Variants in TRIM65 observed in about 807,000 individuals in gnomAD.
The protein encoded by TRIM65 is tripartite motif containing 65.
Under a neutral mutation model 36.1 loss-of-function variants are expected in TRIM65, and 46 were observed. The ratio of observed to expected loss-of-function variants is 1.27; its 90% CI spans 1.01 to 1.63. The LOEUF (loss-of-function observed/expected upper bound fraction) is 1.63. Among genes scored for constraint, TRIM65 ranks in the 40% most tolerant of loss-of-function variants. TRIM65 has a pLI of 0.00. For synonymous variants in TRIM65, 346 were observed against 313.6 expected (o/e 1.10, Z -1.09); for missense variants, 708 against 696.6 (o/e 1.02, Z -0.18).
chr17:75,896,683 G>A lies in TRIM65; in HGVS notation c.255C>T (p.Pro85=). The part of the protein sequence containing the change: ...AGPARDPGPD[P]GPGPDPAARC... The stretch of plus-strand genomic sequence containing the variant: ...GCGCGGCAGGGTCGGGGCCGGGGCC[G>A]GGATCGGGGCCGGGATCCCGGGCGG... The change falls in exon 1 of 6, where the codon CCC becomes CCT. Residue 85 remains proline, a synonymous_variant. Transcript: ENST00000269383. 2 of 1,293,404 alleles carry A rather than the reference G, an allele frequency of 1.5e-6. No individual in the cohort carries two copies. Among genetic ancestry groups the A allele is most frequent in the South Asian group, 2.4e-5 (1 of 42,216 alleles). 80.1% of individuals were successfully genotyped at this position (1,293,404 alleles called of 1,614,324 possible).
intron 4 of TRIM65, among the ~76,000 whole-genome samples, chr17:75,883,222 T>A (rs1054853303): frequency 6.8e-5 from 10 of 147,414 alleles, no homozygotes; most frequent in Admixed American, 6.0e-4. Context: ...GTTCAAGCCA[T>A]CCTCGTGCCT....
At chr17:75,895,558 C>G (rs927202190) in intron 1 of TRIM65, among the ~76,000 whole-genome samples, 1 of 152,164 alleles carries the variant, frequency 6.6e-6, no homozygotes, top group South Asian at 2.1e-4. Context: ...ATCCCAGAGA[C>G]GGGACCAGGC....
Position 75,896,922 on chromosome 17 carries a change from G to T in TRIM65, c.16C>A (p.Leu6Met). The T allele has an allele frequency of 6.7e-7, 1 of 1,502,732 alleles. No individual in the cohort carries two copies. 93.1% of individuals were successfully genotyped at this position (1,502,732 alleles called of 1,614,324 possible). A position where few individuals can be genotyped will look rare whatever the true frequency, so the allele number is the denominator to read the frequency against. Reference protein sequence around the residue: MAAQLLEEKLTCAICL... With the variant: MAAQLMEEKLTCAICL... Reference sequence around the variant, plus strand: ...ATGGCGCAGGTCAGCTTCTCCTCCAGCAGCTGCGCGGCCATGGCCCGGCGG... The same window carrying T: ...ATGGCGCAGGTCAGCTTCTCCTCCATCAGCTGCGCGGCCATGGCCCGGCGG... The change falls in exon 1 of 6, where the codon CTG (leucine) becomes ATG (methionine). Residue 6 changes from leucine to methionine, a missense_variant. Transcript: ENST00000269383.
chr17:75,895,287 C>A (rs1404306731), intron 1 of TRIM65, among the ~76,000 whole-genome samples: 1 of 152,160 alleles, frequency 6.6e-6, no homozygotes, highest in Non-Finnish European at 1.5e-5. Flanking sequence ...TGGTTCTTTG[C>A]CTCCCTGCAC....
downstream of TRIM65, chr17:75,880,304 G>C (rs1360841947): frequency 6.8e-6 from 1 of 148,082 alleles, no homozygotes; most frequent in Non-Finnish European, 1.5e-5. Flanking sequence ...GTTGTCATTT[G>C]CCTTTTCTCT....
downstream of TRIM65, among the ~76,000 whole-genome samples, chr17:75,888,765 T>G (rs1275428322): frequency 1.3e-5 from 2 of 152,164 alleles, no homozygotes; most frequent in African/African-American, 2.4e-5. Context: ...AGGATCTTGC[T>G]GGAAAGTCCT....
intron 1 of TRIM65, among the ~76,000 whole-genome samples, chr17:75,894,965 C>T (rs898394775): frequency 2.6e-5 from 4 of 152,206 alleles, no homozygotes; most frequent in East Asian, 1.9e-4. Flanking sequence ...AGCAGCTGCC[C>T]GGGGCGGGGT....
downstream of TRIM65, among the ~76,000 whole-genome samples, chr17:75,887,918 G>A (rs2065221105): frequency 6.6e-6 from 1 of 152,138 alleles, no homozygotes; most frequent in South Asian, 2.1e-4. Flanking sequence ...CACTTTGAGA[G>A]GCCAAGGTGG....
At position 75,892,180 on chromosome 17, in the gene TRIM65, C is replaced by T. The variant is rs372493091; in HGVS notation, c.750G>A (p.Ser250=). ...QVDEQTFLQE[S]QLLQPPGPLG... ...GAGGCCCTGGGGGCTGGAGGAGCTG[C>T]GATTCCTGAGCCCCAGGGAGAACAA... is the stretch of plus-strand genomic sequence containing the variant. Residue 250 remains serine, a synonymous_variant, in exon 4 of 6, where the codon TCG becomes TCA. Coordinates refer to ENST00000269383, the MANE Select transcript of TRIM65 (RefSeq NM_173547.4). 4.4e-5 allele frequency: 69 copies of T among 1,570,742 alleles called. No individual in the cohort carries two copies. In the East Asian group the frequency reaches 1.5e-3, roughly 34 times the overall value.
At position 75,896,929 on chromosome 17, in the gene TRIM65, C is replaced by T. The variant is rs751469806; in HGVS notation, c.9G>A (p.Ala3=). The T allele has an allele frequency of 4.7e-6, 7 of 1,499,130 alleles. No individual in the cohort carries two copies. Among genetic ancestry groups the T allele is most frequent in the Non-Finnish European group, 4.4e-6 (5 of 1,129,244 alleles). The allele number at this position is 1,499,130 out of a possible 1,614,324, so 92.9% of individuals were successfully genotyped here. A position where few individuals can be genotyped will look rare whatever the true frequency, so the allele number is the denominator to read the frequency against. The change falls in exon 1 of 6, where the codon GCG becomes GCA. Residue 3 remains alanine, a synonymous_variant. Coordinates refer to ENST00000269383, the MANE Select transcript of TRIM65 (RefSeq NM_173547.4). ...AGGTCAGCTTCTCCTCCAGCAGCTG[C>T]GCGGCCATGGCCCGGCGGCGGCGAG... is the stretch of plus-strand genomic sequence containing the variant. The part of the protein sequence containing the change: MA[A]QLLEEKLTCA...
At chr17:75,888,274 AC>A (rs2065225393), downstream of TRIM65, among the ~76,000 whole-genome samples, 1 of 150,844 alleles carries the variant, frequency 6.6e-6, no homozygotes, top group Non-Finnish European at 1.5e-5. Flanking sequence ...GATCGCTTGA[AC>A]CCGGGAGGCG....
rs367605956 is a variant in TRIM65 at position 75,891,386 on chromosome 17, A to C, written c.986-39T>G. The C allele has an allele frequency of 5.6e-6, 9 of 1,600,622 alleles. No individual in the cohort carries two copies. The African/African-American group carries it at 1.1e-4, about 19-fold the overall frequency. ...GAGGACAGCAGTGGGCTGGGGGAAG[A>C]CAGCACAACCAGATCTCCATTTATC... On this transcript the variant is annotated intron_variant, in intron 5 of 5. Coordinates refer to ENST00000269383, the MANE Select transcript of TRIM65 (RefSeq NM_173547.4).
downstream of TRIM65, among the ~76,000 whole-genome samples, chr17:75,888,353 A>C (rs893693405): frequency 8.8e-4 from 117 of 132,392 alleles, no homozygotes; most frequent in Non-Finnish European, 1.6e-3. Flanking sequence ...ACTCTGTCTC[A>C]AAAAAAAAAA....
chr17:75,888,359 AAAAAAG>A (rs1006825815), downstream of TRIM65, among the ~76,000 whole-genome samples: 7 of 148,688 alleles, frequency 4.7e-5, no homozygotes, highest in African/African-American at 1.8e-4. Context: ...TCTCAAAAAA[AAAAAAG>A]AAAGAAAGAA....
downstream of TRIM65, among the ~76,000 whole-genome samples, chr17:75,885,453 T>A (rs2065200034): frequency 9.2e-5 from 14 of 152,014 alleles, no homozygotes; most frequent in Admixed American, 9.2e-4. Flanking sequence ...ATTTTTGTAT[T>A]TTTGGTAGAG....
In TRIM65 at chr17:75,896,686, A is replaced by G. The variant is rs1169079568; in HGVS notation, c.252T>C (p.Asp84=). 3 of 1,296,500 alleles carry G rather than the reference A, an allele frequency of 2.3e-6. No homozygotes were observed. The highest frequency in any genetic ancestry group is 3.2e-5 in the East Asian group (1 of 31,170). The allele number at this position is 1,296,500 out of a possible 1,614,324, so 80.3% of individuals were successfully genotyped here. A position where few individuals can be genotyped will look rare whatever the true frequency, so the allele number is the denominator to read the frequency against. Residue 84 remains aspartate (D), a synonymous_variant, in exon 1 of 6, where the codon GAT becomes GAC. Coordinates refer to ENST00000269383, the MANE Select transcript of TRIM65 (RefSeq NM_173547.4). ...RAGPARDPGP[D]PGPGPDPAAR... is the part of the protein sequence containing the mutation. ...CGGCAGGGTCGGGGCCGGGGCCGGG[A>G]TCGGGGCCGGGATCCCGGGCGGGCC... is the stretch of plus-strand genomic sequence containing the variant.
intron 5 of TRIM65, 58 bp downstream of exon 5, chr17:75,891,755 C>T (rs1371248148): frequency 3.3e-6 from 5 of 1,518,034 alleles, no homozygotes; most frequent in East Asian, 4.8e-5. Context: ...ACAGCACACA[C>T]AGGCACTTCC....
intron 4 of TRIM65, among the ~76,000 whole-genome samples, chr17:75,883,527 T>TG (rs2144002622): frequency 1.8e-3 from 1 of 564 alleles, no homozygotes; most frequent in African/African-American, 3.4e-3. Flanking sequence ...TCTGAACAAG[T>TG]TTTTTTTTTT....
At chr17:75,887,803 C>T (rs1007434392), downstream of TRIM65, among the ~76,000 whole-genome samples, 4 of 152,210 alleles carry the variant, frequency 2.6e-5, no homozygotes, top group East Asian at 5.8e-4. Context: ...GGGTGGATCA[C>T]GAGGTCAAGA....
Sources: gnomAD v4.1 joint callset for allele counts (sites outside exome capture counted in the v4.1 genomes callset) on GRCh38, gnomAD v4.1.1 for gene constraint, MANE v1.5 for transcripts, NCBI Gene and HGNC (gene_info 2026-07-23, HGNC 2026-07-21) for gene names.